Variants in ZNF626 observed in about 807,000 individuals in gnomAD.
The protein encoded by ZNF626 is zinc finger protein 626.
ZNF626 carries 4 observed loss-of-function variants against 11.7 expected under a neutral mutation model. That is an observed-to-expected ratio of 0.34 (90% CI 0.17 to 0.78). The LOEUF (loss-of-function observed/expected upper bound fraction) is 0.78. Ranked by LOEUF, ZNF626 falls within the 30% of genes least tolerant of loss-of-function variation. The probability of loss-of-function intolerance (pLI) is 0.57; values close to 1 mark genes in which losing one functional copy is unlikely to be tolerated. For missense variants in ZNF626, 588 were observed against 587.1 expected (o/e 1.00, Z -0.01); for synonymous variants, 179 against 198.6 (o/e 0.90, Z 0.83).
chr19:20,646,076 A>G (rs1286015626), intron 2 of ZNF626, among the ~76,000 whole-genome samples: 2 of 152,218 alleles, frequency 1.3e-5, no homozygotes, highest in African/African-American at 4.8e-5. Context: ...TGAAAAATAC[A>G]GCTCAACTCA....
chr19:20,623,988 A>G lies in ZNF626; in HGVS notation c.*302T>C. On this transcript the variant is annotated 3_prime_UTR_variant, in exon 4 of 4. Transcript: ENST00000601440. The stretch of plus-strand genomic sequence containing the variant: ...CTTAGTTAGAAATTGAGGGCTGGTT[A>G]AAAGATTTTCCCCATTCATCACATT... 1 of 542,042 alleles carries G rather than the reference A, an allele frequency of 1.8e-6. No individual in the cohort carries two copies. The highest frequency in any genetic ancestry group is 3.4e-6 in the Non-Finnish European group (1 of 297,336). The allele number at this position is 542,042 out of a possible 1,614,324, so 33.6% of individuals were successfully genotyped here. A position where few individuals can be genotyped will look rare whatever the true frequency, so the allele number is the denominator to read the frequency against.
chr19:20,627,285 G>T (rs1969847750), intron 3 of ZNF626, among the ~76,000 whole-genome samples: 1 of 151,470 alleles, frequency 6.6e-6, no homozygotes, highest in Non-Finnish European at 1.5e-5. Context: ...TCATAGATAA[G>T]AAGAGAATTT....
At chr19:20,626,595 G>A (rs1385368591) in intron 3 of ZNF626, among the ~76,000 whole-genome samples, 3 of 152,122 alleles carry the variant, frequency 2.0e-5, no homozygotes, top group Non-Finnish European at 4.4e-5. Context: ...GCATGTGCCT[G>A]TAATCCCAGC....
At chr19:20,647,528 C>G (rs572340116) in intron 1 of ZNF626, among the ~76,000 whole-genome samples, 1 of 143,020 alleles carries the variant, frequency 7.0e-6, no homozygotes, top group African/African-American at 2.6e-5. Context: ...GCTCTGTCGC[C>G]CAGGCTGGAG....
At chr19:20,634,920 A>G (rs1969950622) in intron 3 of ZNF626, among the ~76,000 whole-genome samples, 1 of 152,266 alleles carries the variant, frequency 6.6e-6, no homozygotes, top group Admixed American at 6.5e-5. Context: ...AAGTAGAACA[A>G]TAAAACAGAA....
intron 3 of ZNF626, among the ~76,000 whole-genome samples, chr19:20,635,884 G>A (rs918654294): frequency 6.6e-6 from 1 of 152,148 alleles, no homozygotes; most frequent in African/African-American, 2.4e-5. Context: ...TGTAATCCCA[G>A]CACTTTGGGA....
At position 20,661,457 on chromosome 19, in the gene ZNF626, C is replaced by G. The variant is rs1555773689; in HGVS notation, c.-11G>C. 6.2e-7 allele frequency: 1 copy of G among 1,613,812 alleles called. No homozygotes were observed. Among genetic ancestry groups the G allele is most frequent in the Admixed American group, 1.7e-5 (1 of 60,014 alleles). On this transcript the variant is annotated 5_prime_UTR_variant, in exon 1 of 4. Coordinates refer to ENST00000601440, the MANE Select transcript of ZNF626 (RefSeq NM_001076675.3). The stretch of plus-strand genomic sequence containing the variant: ...CCTCACTCTCACCATTTTTGGCTTC[C>G]AGGAGGTCCCGGTGTCTTAGCTGTG...
At chr19:20,650,127 C>T (rs1013738538) in intron 1 of ZNF626, among the ~76,000 whole-genome samples, 10 of 151,984 alleles carry the variant, frequency 6.6e-5, no homozygotes, top group South Asian at 2.1e-4. Flanking sequence ...TAACATATTA[C>T]GTGATTTAAT....
At chr19:20,645,378 G>A (rs1555771794) in intron 3 of ZNF626, 2 of 1,589,660 alleles carry the variant, frequency 1.3e-6, no homozygotes, top group Middle Eastern at 4.3e-4. Flanking sequence ...TGGAAAAGCA[G>A]CCACACTGTG....
chr19:20,648,634 G>A (rs1970111949), intron 1 of ZNF626, among the ~76,000 whole-genome samples: 1 of 152,122 alleles, frequency 6.6e-6, no homozygotes, highest in Non-Finnish European at 1.5e-5. Flanking sequence ...GCCTCCCAAA[G>A]TGCTGGGATT....
chr19:20,627,485 CA>C (rs1969851273), intron 3 of ZNF626, among the ~76,000 whole-genome samples: 1 of 151,248 alleles, frequency 6.6e-6, no homozygotes, highest in Non-Finnish European at 1.5e-5. Flanking sequence ...AATACCAATA[CA>C]AAAAGCAAAA....
intron 3 of ZNF626, among the ~76,000 whole-genome samples, chr19:20,632,776 C>A (rs1555770491): frequency 1.3e-5 from 2 of 152,154 alleles, no homozygotes; most frequent in African/African-American, 2.4e-5. Context: ...CTGAAGCCTT[C>A]TCTCAACTCG....
rs531356816 is a variant in ZNF626, at chr19:20,651,491, G to A, written c.4-5086C>T. 4.4e-4 allele frequency among the ~76,000 whole-genome samples: 67 copies of A among 152,070 alleles called. 1 individual carries two copies. Among genetic ancestry groups the A allele is most frequent in the South Asian group, 1.9e-3 (9 of 4,810 alleles). ...GATCTCCTCCTTGTTTATCATCCCA[G>A]TACCAGGAAACTGGAGAAACTCTCA... On this transcript the variant is annotated intron_variant, in intron 1 of 3. Coordinates refer to ENST00000601440, the MANE Select transcript of ZNF626 (RefSeq NM_001076675.3).
chr19:20,657,830 A>C (rs1250524770), intron 1 of ZNF626, among the ~76,000 whole-genome samples: 1 of 151,920 alleles, frequency 6.6e-6, no homozygotes, highest in Non-Finnish European at 1.5e-5. Context: ...AAAAACAAAC[A>C]AAAAAAAGAA....
At chr19:20,646,641 T>C (rs1341033205) in intron 1 of ZNF626, among the ~76,000 whole-genome samples, 7 of 152,166 alleles carry the variant, frequency 4.6e-5, no homozygotes, top group African/African-American at 7.2e-5. Flanking sequence ...GATAATAAAG[T>C]ATAAAATTAA....
rs1074990 is a variant in ZNF626 at position 20,647,148 on chromosome 19, G to C, written c.4-743C>G. 3.4e-4 allele frequency among the ~76,000 whole-genome samples: 51 copies of C among 152,084 alleles called. 1 individual carries two copies. The highest frequency in any genetic ancestry group is 1.2e-3 in the African/African-American group (50 of 41,492). On this transcript the variant is annotated intron_variant, in intron 1 of 3. Transcript: ENST00000601440. ...GGTGGAGAAACCACACCTGGCCAAT[G>C]TGGTGAATTTCTAATAAGCTCAACA... is the stretch of plus-strand genomic sequence containing the variant.
At chr19:20,625,909 G>A (rs966184197) in intron 3 of ZNF626, among the ~76,000 whole-genome samples, 1 of 152,096 alleles carries the variant, frequency 6.6e-6, no homozygotes, top group Admixed American at 6.6e-5. Flanking sequence ...AAATAGAAAA[G>A]TCTGTTACTT....
At chr19:20,659,338 C>T (rs527264626) in intron 1 of ZNF626, among the ~76,000 whole-genome samples, 1 of 152,234 alleles carries the variant, frequency 6.6e-6, no homozygotes, top group East Asian at 1.9e-4. Flanking sequence ...CTCCATGGTT[C>T]AAGCAATTCT....
Position 20,625,417 on chromosome 19 carries a change from G to C in ZNF626, c.460C>G (p.Leu154Val). The change falls in exon 4 of 4, where the codon CTT becomes GTT. Residue 154 changes from leucine to valine, a missense_variant. Coordinates refer to ENST00000601440, the MANE Select transcript of ZNF626 (RefSeq NM_001076675.3). The stretch of plus-strand genomic sequence containing the variant: ...CCGTTTGAATTTGGAAATTGATGAA[G>C]GACTTTCACATATTTATCACATTGA... Reference protein sequence around the residue: ...ICQCDKYVKVLHQFPNSNGQK... With the variant: ...ICQCDKYVKVVHQFPNSNGQK... 1 of 1,613,918 alleles carries C rather than the reference G, an allele frequency of 6.2e-7. No homozygotes were observed. The highest frequency in any genetic ancestry group is 8.5e-7 in the Non-Finnish European group (1 of 1,179,980).
Sources: allele counts gnomAD v4.1 joint callset (sites outside exome capture counted in the v4.1 genomes callset), GRCh38; gene constraint gnomAD v4.1.1; transcripts MANE v1.5; gene names NCBI Gene and HGNC (gene_info 2026-07-23, HGNC 2026-07-21).